RUBCN: variants seen among roughly 807,000 people sequenced by gnomAD.
RUBCN encodes run domain Beclin-1-interacting and cysteine-rich domain-containing protein.
A neutral mutation model predicts 113.2 loss-of-function variants in RUBCN; 74 were observed. The ratio of observed to expected loss-of-function variants is 0.65; its 90% CI spans 0.54 to 0.79. RUBCN has a LOEUF of 0.79. RUBCN is among the 30% of genes least tolerant of loss of function. The pLI, the probability that RUBCN is intolerant of heterozygous loss-of-function variation, is 0.00. For missense variants in RUBCN, 1,109 were observed against 1,251.7 expected, an observed-to-expected ratio of 0.89 and a Z score of 1.72; for synonymous variants, 480 against 490.0, an observed-to-expected ratio of 0.98 and a Z score of 0.27.
At position 197,669,088 on chromosome 3, in the gene RUBCN, T is replaced by C. The variant is rs181472649; in HGVS notation, c.*5930A>G. On this transcript the variant is annotated 3_prime_UTR_variant, in exon 20 of 20. Transcript: ENST00000296343. ...TAAACTTCTTAATCTGGAATAATTT[T>C]AGATCCACAGTAAAGTTGCAAAGAT... Among the ~76,000 whole-genome samples the C allele has an allele frequency of 1.3e-5, 2 of 152,230 alleles. No individual in the cohort carries two copies. The highest frequency in any genetic ancestry group is 2.9e-5 in the Non-Finnish European group (2 of 68,046).
In RUBCN at chr3:197,683,109, C is replaced by T. The variant is rs145563074; in HGVS notation, c.1980+198G>A. ...CAGTCACGTGAATAAGGACCGCGAA[C>T]GCGCCGTCATCTCTGCTCTGACAAG... On this transcript the variant is annotated intron_variant, in intron 13 of 19. Coordinates refer to ENST00000296343, the MANE Select transcript of RUBCN (RefSeq NM_014687.4). This position sits in a 1 kb window ranked among gnomAD's most constrained non-coding sequence, Gnocchi z 4.6. 3.9e-5 allele frequency among the ~76,000 whole-genome samples: 6 copies of T among 152,362 alleles called. No individual in the cohort carries two copies. Among genetic ancestry groups the T allele is most frequent in the Middle Eastern group, 3.4e-3 (1 of 292 alleles).
upstream of RUBCN, among the ~76,000 whole-genome samples, chr3:197,737,807 T>C (rs1010562371): frequency 1.3e-5 from 2 of 152,176 alleles, no homozygotes; most frequent in African/African-American, 4.8e-5. Context: ...GTCATCCTTA[T>C]GGGGGATAAC....
At chr3:197,717,357 T>TG (rs1459150800) in intron 2 of RUBCN, among the ~76,000 whole-genome samples, 5 of 150,776 alleles carry the variant, frequency 3.3e-5, no homozygotes, top group African/African-American at 1.2e-4. Context: ...GCCAGGAGAA[T>TG]GCTGTGAACC....
intron 6 of RUBCN, 100 bp downstream of exon 6, chr3:197,701,608 A>AC: frequency 9.2e-7 from 1 of 1,092,388 alleles, no homozygotes; most frequent in South Asian, 1.3e-5. Flanking sequence ...AAAACTACCA[A>AC]CCCAAGTCTC....
At chr3:197,690,987 T>G (rs776088411) in intron 11 of RUBCN, 31 of 689,778 alleles carry the variant, frequency 4.5e-5, no homozygotes, top group Non-Finnish European at 6.6e-5. Flanking sequence ...CCTTGACAGT[T>G]ATCACATGAT....
chr3:197,710,886 T>C (rs567672187), intron 2 of RUBCN, among the ~76,000 whole-genome samples: 76 of 152,258 alleles, frequency 5.0e-4, no homozygotes, highest in South Asian at 1.7e-3. Context: ...TTGTGTGATC[T>C]TGGCTCACTG....
chr3:197,749,056 C>T (rs1412430520), intron 1 of RUBCN, among the ~76,000 whole-genome samples: 1 of 152,138 alleles, frequency 6.6e-6, no homozygotes, highest in African/African-American at 2.4e-5. Context: ...CTAAACGCTT[C>T]CACATAAACG....
At chr3:197,705,235 A>G (rs1381338744) in intron 2 of RUBCN, 60 bp from the exon 3 acceptor site, 1 of 1,476,886 alleles carries the variant, frequency 6.8e-7, no homozygotes, top group Admixed American at 1.7e-5. Context: ...ATCTAGTTCT[A>G]GGGTTGGCAT....
intron 2 of RUBCN, among the ~76,000 whole-genome samples, chr3:197,707,976 AT>A (rs751362487): frequency 4.0e-5 from 6 of 150,754 alleles, no homozygotes; most frequent in South Asian, 2.1e-4. Flanking sequence ...AAAAAAAAAA[AT>A]AATAATAATG....
chr3:197,689,896 T>C (rs1281994712), intron 11 of RUBCN, among the ~76,000 whole-genome samples: 1 of 152,198 alleles, frequency 6.6e-6, no homozygotes, highest in Non-Finnish European at 1.5e-5. Flanking sequence ...TACTGAACAC[T>C]AGAACTCATC....
chr3:197,737,013 T>C, upstream of RUBCN: 1 of 1,068,164 alleles, frequency 9.4e-7, no homozygotes, highest in Admixed American at 5.2e-5. Context: ...ACCGCGCCCC[T>C]CCAACGGCAG....
chr3:197,729,054 G>A (rs927331405), intron 1 of RUBCN, among the ~76,000 whole-genome samples: 1 of 151,362 alleles, frequency 6.6e-6, no homozygotes, highest in Non-Finnish European at 1.5e-5. Flanking sequence ...ACGAGGTCAG[G>A]AGAATGGCGT....
In RUBCN at chr3:197,674,907, T is replaced by G. The variant is rs1206574616; in HGVS notation, c.*111A>C. Reference sequence around the variant, plus strand: ...AAAAAAAAAAAAAAGATGATGATAATTAAAAAAAAAAAAAAAAAAAGAAGC... The same window carrying G: ...AAAAAAAAAAAAAAGATGATGATAAGTAAAAAAAAAAAAAAAAAAAGAAGC... On this transcript the variant is annotated 3_prime_UTR_variant, in exon 20 of 20. Transcript: ENST00000296343. The G allele has an allele frequency of 3.7e-6, 3 of 814,614 alleles. No individual in the cohort carries two copies. Among genetic ancestry groups the G allele is most frequent in the African/African-American group, 2.1e-5 (1 of 46,936 alleles). The allele number at this position is 814,614 out of a possible 1,614,324, so 50.5% of individuals were successfully genotyped here.
At chr3:197,725,723 C>T (rs923894227) in intron 1 of RUBCN, among the ~76,000 whole-genome samples, 2 of 151,910 alleles carry the variant, frequency 1.3e-5, no homozygotes, top group South Asian at 2.1e-4. Context: ...CTTTGTAATT[C>T]GACACCTATT....
chr3:197,716,630 C>G (rs1375832708), intron 2 of RUBCN, among the ~76,000 whole-genome samples: 1 of 152,134 alleles, frequency 6.6e-6, no homozygotes, highest in Non-Finnish European at 1.5e-5. Context: ...ATTCTAATTC[C>G]TAGAACCTGG....
upstream of RUBCN, chr3:197,737,037 G>A (rs1261169001): frequency 2.3e-6 from 2 of 854,512 alleles, no homozygotes; most frequent in South Asian, 3.0e-5. Context: ...GCTCCCGCAA[G>A]CCGCGCCCTC....
intron 1 of RUBCN, among the ~76,000 whole-genome samples, chr3:197,722,323 A>G (rs551888112): frequency 1.3e-4 from 20 of 152,210 alleles, no homozygotes; most frequent in Admixed American, 2.0e-4. Context: ...GTGGCCTACC[A>G]TATGATATCA....
chr3:197,696,326 C>T (rs369071643), intron 8 of RUBCN, among the ~76,000 whole-genome samples: 5 of 151,260 alleles, frequency 3.3e-5, no homozygotes, highest in African/African-American at 4.9e-5. Context: ...GAGCCAAGAT[C>T]GCACCACTGC....
upstream of RUBCN, among the ~76,000 whole-genome samples, chr3:197,740,628 C>CT (rs1043768402): frequency 2.6e-4 from 38 of 147,258 alleles, no homozygotes; most frequent in South Asian, 8.6e-4. Flanking sequence ...TATTCTCTTT[C>CT]TTTTTTTTTT....
Sources: gnomAD v4.1 joint callset for allele counts (sites outside exome capture counted in the v4.1 genomes callset) on GRCh38, gnomAD v4.1.1 for gene constraint, Gnocchi (gnomAD v3.1) non-coding constraint, MANE v1.5 for transcripts, NCBI Gene and HGNC (gene_info 2026-07-23, HGNC 2026-07-21) for gene names.